The following PCDHGA11 variants were observed in gnomAD, a reference collection of about 807,000 sequenced individuals.
PCDHGA11 encodes protocadherin gamma subfamily A, 11.
A neutral mutation model predicts 60.4 loss-of-function variants in PCDHGA11; 39 were observed. The observed-to-expected ratio is 0.65, with a 90% CI of 0.50 to 0.84. The LOEUF (loss-of-function observed/expected upper bound fraction) is 0.84, where lower values mean the gene tolerates loss of function less well. PCDHGA11 is among the 40% of genes least tolerant of loss of function. The pLI is 0.00. For synonymous variants in PCDHGA11, 533 were observed against 510.3 expected, an observed-to-expected ratio of 1.04 and a Z score of -0.60; for missense variants, 1,165 against 1,197.7, an observed-to-expected ratio of 0.97 and a Z score of 0.40.
chr5:141,469,753 T>C (rs564585597), intron 1 of PCDHGA11, among the ~76,000 whole-genome samples: 1 of 152,322 alleles, frequency 6.6e-6, no homozygotes, highest in East Asian at 1.9e-4. Flanking sequence ...ATTACAAAAA[T>C]ACATATATAC....
chr5:141,492,859 C>T (rs966216924), intron 1 of PCDHGA11, among the ~76,000 whole-genome samples: 1 of 152,232 alleles, frequency 6.6e-6, no homozygotes, highest in Non-Finnish European at 1.5e-5. Flanking sequence ...CTCGAGCGCC[C>T]TGGCTCTCAA....
Position 141,476,788 on chromosome 5 carries a change from C to G in PCDHGA11, c.2434-18019C>G. 1 of 1,613,478 alleles carries G rather than the reference C, an allele frequency of 6.2e-7. No homozygotes were observed. Among genetic ancestry groups the G allele is most frequent in the Non-Finnish European group, 8.5e-7 (1 of 1,180,032 alleles). ...CGTTGGACGGAGGGACCCCAGCTCT[C>G]TCCGCCAGCCTGCCTATTCACATCA... On this transcript the variant is annotated intron_variant, in intron 1 of 3. Coordinates refer to ENST00000398587, the MANE Select transcript of PCDHGA11 (RefSeq NM_018914.3). This position sits in a 1 kb window ranked among gnomAD's most constrained non-coding sequence, Gnocchi z 7.6.
chr5:141,456,712 C>T (rs1025899058), intron 1 of PCDHGA11, among the ~76,000 whole-genome samples: 2 of 152,190 alleles, frequency 1.3e-5, no homozygotes, highest in African/African-American at 4.8e-5. Context: ...CGCCTGTAAT[C>T]CCAGCACTTT....
intron 2 of PCDHGA11, among the ~76,000 whole-genome samples, chr5:141,501,983 C>G (rs957901405): frequency 6.6e-6 from 1 of 152,068 alleles, no homozygotes; most frequent in Non-Finnish European, 1.5e-5. Flanking sequence ...CATCTGGTCC[C>G]GTTGTCTCCC....
chr5:141,422,056 G>C lies in PCDHGA11; in HGVS notation c.829G>C (p.Glu277Gln), dbSNP rs1003977721. 1.2e-6 allele frequency: 2 copies of C among 1,611,816 alleles called. No individual in the cohort carries two copies. The highest frequency in any genetic ancestry group is 2.7e-5 in the African/African-American group (2 of 74,764). ...GGATCCAGACGAGGGAATCAACGGG[G>C]AAGTAATGTATTCATTTCGGAACAT... Reference protein sequence around the residue: ...ATDPDEGINGEVMYSFRNMES... With the variant: ...ATDPDEGINGQVMYSFRNMES... Residue 277 changes from glutamate to glutamine, a missense_variant, in exon 1 of 4, where the codon GAA becomes CAA. Glu to Gln is a conservative substitution (Grantham distance 29). Transcript: ENST00000398587.
chr5:141,425,217 T>G (rs565640413), intron 1 of PCDHGA11, among the ~76,000 whole-genome samples: 51 of 152,294 alleles, frequency 3.3e-4, no homozygotes, highest in Middle Eastern at 3.4e-3. Flanking sequence ...GCATTGTACT[T>G]TGACTGGAAT....
chr5:141,443,820 T>C (rs1329478151), intron 1 of PCDHGA11, among the ~76,000 whole-genome samples: 1 of 151,986 alleles, frequency 6.6e-6, no homozygotes. Flanking sequence ...TTGGAAAACA[T>C]AATTAGGTAA....
rs1027166084 is a variant in PCDHGA11 at position 141,421,806 on chromosome 5, A to C, written c.579A>C (p.Pro193=). 7 of 1,613,724 alleles carry C rather than the reference A, an allele frequency of 4.3e-6. No individual in the cohort carries two copies. The highest frequency in any genetic ancestry group is 5.1e-6 in the Non-Finnish European group (6 of 1,179,886). The change falls in exon 1 of 4, where the codon CCA becomes CCC. Residue 193 remains proline, a synonymous_variant. Coordinates refer to ENST00000398587, the MANE Select transcript of PCDHGA11 (RefSeq NM_018914.3). ...LRGRTDGAKN[P]ELVLEGSLDR... ...GCAGAACGGATGGGGCCAAGAATCC[A>C]GAGCTAGTACTGGAGGGAAGCCTGG...
chr5:141,497,148 A>G (rs1436451953), intron 2 of PCDHGA11, among the ~76,000 whole-genome samples: 1 of 152,122 alleles, frequency 6.6e-6, no homozygotes, highest in Non-Finnish European at 1.5e-5. Context: ...ATCACGAAAA[A>G]AAAATAATCT....
At chr5:141,496,581 C>T (rs868326584) in intron 2 of PCDHGA11, among the ~76,000 whole-genome samples, 9 of 152,134 alleles carry the variant, frequency 5.9e-5, no homozygotes, top group African/African-American at 1.9e-4. Flanking sequence ...ATTTTAGGAA[C>T]GCAAAGCGCT....
At position 141,486,418 on chromosome 5, in the gene PCDHGA11, A is replaced by G. The variant is rs1174910867; in HGVS notation, c.2434-8389A>G. On this transcript the variant is annotated intron_variant, in intron 1 of 3. Transcript: ENST00000398587. This position sits in a 1 kb window ranked among gnomAD's most constrained non-coding sequence, Gnocchi z 5.0. ...TGGTGACTGCTGGACCCTTGGATCG[A>G]GAGGCCAAATCTAGCTATGACATCA... is the stretch of plus-strand genomic sequence containing the variant. The G allele has an allele frequency of 3.7e-6, 6 of 1,614,176 alleles. No individual in the cohort carries two copies. Among genetic ancestry groups the G allele is most frequent in the Non-Finnish European group, 5.1e-6 (6 of 1,180,020 alleles).
chr5:141,456,139 C>T (rs999574407), intron 1 of PCDHGA11, among the ~76,000 whole-genome samples: 20 of 152,010 alleles, frequency 1.3e-4, no homozygotes, highest in Admixed American at 9.8e-4. Context: ...CCTCCTGATC[C>T]GCCCGCCTCG....
At chr5:141,483,757 C>T (rs895694800) in intron 1 of PCDHGA11, among the ~76,000 whole-genome samples, 1 of 151,984 alleles carries the variant, frequency 6.6e-6, no homozygotes, top group Non-Finnish European at 1.5e-5. Flanking sequence ...AGGATCGAGG[C>T]TTGGAAAAAT....
chr5:141,454,644 G>T (rs183290309), intron 1 of PCDHGA11, among the ~76,000 whole-genome samples: 2 of 151,892 alleles, frequency 1.3e-5, no homozygotes, highest in South Asian at 2.1e-4. Flanking sequence ...AACCTCAGGT[G>T]ATCTGCCCAC....
At chr5:141,453,205 G>C (rs570291941) in intron 1 of PCDHGA11, among the ~76,000 whole-genome samples, 2 of 151,872 alleles carry the variant, frequency 1.3e-5, no homozygotes, top group Non-Finnish European at 2.9e-5. Context: ...CCTCAACCTC[G>C]TGCACTTAAG....
At chr5:141,452,000 A>G (rs2098730428) in intron 1 of PCDHGA11, among the ~76,000 whole-genome samples, 1 of 152,198 alleles carries the variant, frequency 6.6e-6, no homozygotes, top group Admixed American at 6.5e-5. Flanking sequence ...AAGCAAAATC[A>G]CTTGGTCCAG....
intron 1 of PCDHGA11, among the ~76,000 whole-genome samples, chr5:141,466,506 G>A (rs1417729031): frequency 6.6e-6 from 1 of 152,156 alleles, no homozygotes; most frequent in Non-Finnish European, 1.5e-5. Context: ...GCACAGACAA[G>A]ATCATTTTTT....
chr5:141,475,162 G>T (rs949339969), intron 1 of PCDHGA11, among the ~76,000 whole-genome samples: 2 of 152,034 alleles, frequency 1.3e-5, no homozygotes, highest in South Asian at 4.1e-4. Flanking sequence ...TTCTTCATTA[G>T]CAGTGCAACT....
Position 141,477,865 on chromosome 5 carries a change from T to A in PCDHGA11, c.2434-16942T>A, listed in dbSNP as rs1380570615. On this transcript the variant is annotated intron_variant, in intron 1 of 3. Transcript: ENST00000398587. This position sits in a 1 kb window ranked among gnomAD's most constrained non-coding sequence, Gnocchi z 4.9. ...GCTCGGTGGAGATGCTGCCTCGAGG[T>A]ACCTCAGCTGGCCACCTAGTGTCAC... 6.2e-7 allele frequency: 1 copy of A among 1,612,698 alleles called. No individual in the cohort carries two copies. Among genetic ancestry groups the A allele is most frequent in the Non-Finnish European group, 8.5e-7 (1 of 1,179,562 alleles).
Sources: gnomAD v4.1 joint callset for allele counts (sites outside exome capture counted in the v4.1 genomes callset) on GRCh38, gnomAD v4.1.1 for gene constraint, Gnocchi (gnomAD v3.1) non-coding constraint, MANE v1.5 for transcripts, NCBI Gene and HGNC (gene_info 2026-07-23, HGNC 2026-07-21) for gene names.